Variants in HNRNPA2B1 observed in about 807,000 individuals in gnomAD.
HNRNPA2B1 encodes heterogeneous nuclear ribonucleoprotein A2/B1.
A neutral mutation model predicts 46.3 loss-of-function variants in HNRNPA2B1; 3 were observed. The ratio of observed to expected loss-of-function variants is 0.06; its 90% CI spans 0.03 to 0.17. HNRNPA2B1 has a LOEUF of 0.17. HNRNPA2B1 is among the 10% of genes least tolerant of loss of function. The pLI, the probability that HNRNPA2B1 is intolerant of heterozygous loss-of-function variation, is 1.00. For synonymous variants in HNRNPA2B1, 225 were observed against 133.8 expected (o/e 1.68, Z -4.70); for missense variants, 221 against 418.9 (o/e 0.53, Z 4.12).
At chr7:26,196,349 A>T in intron 6 of HNRNPA2B1, 52 bp downstream of exon 6, 1 of 1,420,096 alleles carries the variant, frequency 7.0e-7, no homozygotes, top group Non-Finnish European at 9.8e-7. Flanking sequence ...ACCTAATCAT[A>T]TTTAAAATAA....
rs201651457 is a variant in HNRNPA2B1, at chr7:26,195,831, G to C, written c.721+16C>G. ...ATTAGTCACATAAACAAACCAAAAC[G>C]TAGAGGAAAACTGACCTCCAGGTCC... On this transcript the variant is annotated intron_variant, in intron 7 of 10. Transcript: ENST00000618183. 1 of 1,606,994 alleles carries C rather than the reference G, an allele frequency of 6.2e-7. No individual in the cohort carries two copies. Among genetic ancestry groups the C allele is most frequent in the South Asian group, 1.1e-5 (1 of 89,748 alleles).
intron 1 of HNRNPA2B1, chr7:26,199,055 T>A (rs1474247704): frequency 1.3e-5 from 2 of 152,262 alleles, no homozygotes; most frequent in African/African-American, 4.8e-5. Context: ...CGATAGTTAT[T>A]TTCATTTTTT....
Position 26,192,320 on chromosome 7 carries a change from C to T in HNRNPA2B1, c.*40G>A. The T allele has an allele frequency of 1.7e-6, 1 of 571,958 alleles. No homozygotes were observed. The highest frequency in any genetic ancestry group is 3.1e-6 in the Non-Finnish European group (1 of 321,086). 35.4% of individuals were successfully genotyped at this position (571,958 alleles called of 1,614,324 possible). On this transcript the variant is annotated 3_prime_UTR_variant, in exon 11 of 11. Coordinates refer to ENST00000618183, the MANE Select transcript of HNRNPA2B1 (RefSeq NM_002137.4). The stretch of plus-strand genomic sequence containing the variant: ...TGTTACCTCTGGGCTCTCATCCTCT[C>T]CTATTTATACAGTGAAGCCTGTTTC...
chr7:26,193,416 C>A (rs1783132723), intron 8 of HNRNPA2B1, 43 bp from the exon 9 acceptor site: 3 of 1,587,720 alleles, frequency 1.9e-6, no homozygotes, highest in Non-Finnish European at 2.6e-6. Context: ...AAACATTAAA[C>A]CAAGGACTTA....
chr7:26,192,995 G>A (rs1783085325), intron 9 of HNRNPA2B1, among the ~76,000 whole-genome samples: 1 of 152,094 alleles, frequency 6.6e-6, no homozygotes, highest in Non-Finnish European at 1.5e-5. Flanking sequence ...ACTGTATTTA[G>A]CTGTTTATGA....
intron 6 of HNRNPA2B1, 131 bp from the exon 7 acceptor site, chr7:26,196,040 A>G (rs1242085346): frequency 5.6e-6 from 7 of 1,260,200 alleles, no homozygotes; most frequent in East Asian, 2.7e-5. Flanking sequence ...CAGTGCTACC[A>G]GTTTACCCAC....
chr7:26,191,963 T>C lies in HNRNPA2B1; in HGVS notation c.*397A>G, dbSNP rs780978393. On this transcript the variant is annotated 3_prime_UTR_variant, in exon 11 of 11. Coordinates refer to ENST00000618183, the MANE Select transcript of HNRNPA2B1 (RefSeq NM_002137.4). ...CTTATTACACCATGATCCTGGCTAA[T>C]AGCTTTTCAAAACTTTGAGAAAAAT... 2 of 152,926 alleles carry C rather than the reference T, an allele frequency of 1.3e-5. No homozygotes were observed. The highest frequency in any genetic ancestry group is 6.5e-5 in the Admixed American group (1 of 15,312). 9.5% of individuals were successfully genotyped at this position (152,926 alleles called of 1,614,324 possible).
chr7:26,196,732 T>G (rs1254660600), intron 4 of HNRNPA2B1, 74 bp from the exon 5 acceptor site: 1 of 1,566,418 alleles, frequency 6.4e-7, no homozygotes, highest in African/African-American at 1.4e-5. Context: ...TACCTTTCAA[T>G]AAAGTTACAG....
At chr7:26,199,755 G>A (rs1266895957) in intron 1 of HNRNPA2B1, 3 of 151,932 alleles carry the variant, frequency 2.0e-5, no homozygotes, top group Non-Finnish European at 4.4e-5. Context: ...GTTACTCAAA[G>A]GAAAAAAAAG....
intron 4 of HNRNPA2B1, 67 bp downstream of exon 4, chr7:26,196,738 TAC>T: frequency 3.2e-6 from 5 of 1,563,880 alleles, no homozygotes; most frequent in South Asian, 1.1e-5. Flanking sequence ...TCAATAAAGT[TAC>T]AGATGTTAAC....
chr7:26,195,767 T>C (rs1026480591), intron 7 of HNRNPA2B1, 80 bp downstream of exon 7: 3 of 1,479,920 alleles, frequency 2.0e-6, no homozygotes, highest in South Asian at 2.5e-5. Flanking sequence ...GTTTAAAAAC[T>C]CAAAATATAA....
chr7:26,195,552 G>C (rs933544416), intron 7 of HNRNPA2B1, among the ~76,000 whole-genome samples: 1 of 152,058 alleles, frequency 6.6e-6, no homozygotes, highest in African/African-American at 2.4e-5. Context: ...CCAGTATTCT[G>C]TACTTTTCCA....
chr7:26,194,611 G>C (rs1456986913), intron 7 of HNRNPA2B1, among the ~76,000 whole-genome samples: 2 of 151,164 alleles, frequency 1.3e-5, no homozygotes, highest in African/African-American at 4.9e-5. Flanking sequence ...TGAGGTGGGA[G>C]GATGGCTTGA....
intron 1 of HNRNPA2B1, chr7:26,199,048 T>TA (rs1562723625): frequency 6.6e-6 from 1 of 152,218 alleles, no homozygotes; most frequent in African/African-American, 2.4e-5. Context: ...CTTGTCACGA[T>TA]AGTTATTTTC....
intron 2 of HNRNPA2B1, 56 bp downstream of exon 2, chr7:26,197,566 C>T: frequency 3.2e-6 from 5 of 1,553,940 alleles, no homozygotes; most frequent in South Asian, 1.1e-5. Flanking sequence ...CTCCATGATT[C>T]ACTTAACATA....
intron 6 of HNRNPA2B1, 45 bp downstream of exon 6, chr7:26,196,356 A>G: frequency 6.8e-7 from 1 of 1,466,254 alleles, no homozygotes. Flanking sequence ...CATATTTAAA[A>G]TAAAAGCACA....
At chr7:26,197,548 G>A (rs535942734) in intron 2 of HNRNPA2B1, 74 bp downstream of exon 2, 114 of 1,560,414 alleles carry the variant, frequency 7.3e-5, no homozygotes, top group Admixed American at 3.9e-4. Flanking sequence ...TATGCTGATA[G>A]TTATTTCCTC....
At chr7:26,198,889 G>A (rs1784002286) in intron 1 of HNRNPA2B1, 1 of 152,106 alleles carries the variant, frequency 6.6e-6, no homozygotes, top group Admixed American at 6.5e-5. Flanking sequence ...CCCTCCATTC[G>A]CATGCTCCCA....
At chr7:26,197,112 A>T (rs753182167) in intron 3 of HNRNPA2B1, 95 bp from the exon 4 acceptor site, 9 of 1,112,868 alleles carry the variant, frequency 8.1e-6, no homozygotes, top group Admixed American at 2.2e-5. Context: ...GCTTGTATCC[A>T]CCTTAAAACT....
Sources: allele counts gnomAD v4.1 joint callset (sites outside exome capture counted in the v4.1 genomes callset), GRCh38; gene constraint gnomAD v4.1.1; transcripts MANE v1.5; gene names NCBI Gene and HGNC (gene_info 2026-07-23, HGNC 2026-07-21).